HPCAL4: variants seen among roughly 807,000 people sequenced by gnomAD.
The protein encoded by HPCAL4 is hippocalcin like 4.
HPCAL4 carries 16 observed loss-of-function variants against 18.2 expected under a neutral mutation model. That is an observed-to-expected ratio of 0.88 (90% confidence interval 0.59 to 1.33). The LOEUF is 1.33. HPCAL4 is among the 40% of genes most tolerant of loss of function. The probability of loss-of-function intolerance (pLI) is 0.00; values close to 1 mark genes in which losing one functional copy is unlikely to be tolerated. For synonymous variants in HPCAL4, 80 were observed against 97.5 expected (o/e 0.82, Z 1.06); for missense variants, 214 against 256.6 (o/e 0.83, Z 1.14).
At chr1:39,689,596 T>C (rs1215732837) in intron 1 of HPCAL4, among the ~76,000 whole-genome samples, 1 of 152,164 alleles carries the variant, frequency 6.6e-6, no homozygotes, top group Non-Finnish European at 1.5e-5. Context: ...CTGCTGAACA[T>C]GGGCAGGCTC....
rs148390813 is a variant in HPCAL4, at chr1:39,682,663, C to T, written c.449G>A (p.Arg150His). The change falls in exon 4 of 4, where the codon CGT becomes CAT. Residue 150 changes from arginine to histidine, a missense_variant. Transcript: ENST00000372844. ...CATCTTCTTGAAGATCTTGTCCACACGCTGCTGGGGCGTGAGCCCGTCCTG... is the reference window on the plus strand; with the variant it reads ...CATCTTCTTGAAGATCTTGTCCACATGCTGCTGGGGCGTGAGCCCGTCCTG... ...MNQDGLTPQQ[R>H]VDKIFKKMDQ... is the part of the protein sequence containing the mutation. The T allele has an allele frequency of 2.6e-4, 418 of 1,614,122 alleles. 1 individual carries two copies. The highest frequency in any genetic ancestry group is 3.3e-4 in the Non-Finnish European group (391 of 1,180,056).
At chr1:39,683,514 C>T (rs1345340037) in intron 3 of HPCAL4, among the ~76,000 whole-genome samples, 1 of 152,242 alleles carries the variant, frequency 6.6e-6, no homozygotes, top group East Asian at 1.9e-4. Flanking sequence ...CTGCACTTTG[C>T]TTAGTGTATC....
Position 39,682,217 on chromosome 1 carries a change from T to C in HPCAL4, c.*319A>G, listed in dbSNP as rs1394476335. Reference sequence around the variant, plus strand: ...ATAATCCCAGGATCAAGAGAATTCCTAACCAGAACCCCAGGCCCCCAACTC... The same window carrying C: ...ATAATCCCAGGATCAAGAGAATTCCCAACCAGAACCCCAGGCCCCCAACTC... On this transcript the variant is annotated 3_prime_UTR_variant, in exon 4 of 4. Coordinates refer to ENST00000372844, the MANE Select transcript of HPCAL4 (RefSeq NM_016257.4). 2.9e-6 allele frequency: 1 copy of C among 348,236 alleles called. No homozygotes were observed. The highest frequency in any genetic ancestry group is 5.4e-6 in the Non-Finnish European group (1 of 183,832). The allele number at this position is 348,236 out of a possible 1,614,324, so 21.6% of individuals were successfully genotyped here.
chr1:39,680,722 C>T lies in HPCAL4; in HGVS notation c.*1814G>A, dbSNP rs1390328409. 6.6e-6 allele frequency: 1 copy of T among 152,148 alleles called. No individual in the cohort carries two copies. Among genetic ancestry groups the T allele is most frequent in the Non-Finnish European group, 1.5e-5 (1 of 68,024 alleles). The allele number at this position is 152,148 out of a possible 1,614,324, so 9.4% of individuals were successfully genotyped here. A position where few individuals can be genotyped will look rare whatever the true frequency, so the allele number is the denominator to read the frequency against. On this transcript the variant is annotated 3_prime_UTR_variant, in exon 4 of 4. Transcript: ENST00000372844. Reference sequence around the variant, plus strand: ...CAAAAGGATAGCAACCCAGTGGTTGCAAACCAGTGGTTGCTATCCCCAGCA... The same window carrying T: ...CAAAAGGATAGCAACCCAGTGGTTGTAAACCAGTGGTTGCTATCCCCAGCA...
intron 1 of HPCAL4, among the ~76,000 whole-genome samples, chr1:39,687,029 CT>C (rs1646681037): frequency 6.6e-6 from 1 of 152,222 alleles, no homozygotes; most frequent in Non-Finnish European, 1.5e-5. Flanking sequence ...TGGTCCATTC[CT>C]TCCCACTCCC....
At chr1:39,687,416 C>T (rs1377766480) in intron 1 of HPCAL4, among the ~76,000 whole-genome samples, 1 of 152,178 alleles carries the variant, frequency 6.6e-6, no homozygotes, top group African/African-American at 2.4e-5. Flanking sequence ...AGCTGTCTTC[C>T]GTAGGATGTG....
intron 1 of HPCAL4, among the ~76,000 whole-genome samples, chr1:39,689,461 A>G (rs1646701539): frequency 1.3e-5 from 2 of 151,902 alleles, no homozygotes; most frequent in South Asian, 2.1e-4. Flanking sequence ...TATCACACCC[A>G]CTTCAGAGAC....
chr1:39,688,053 G>T (rs1358187084), intron 1 of HPCAL4, among the ~76,000 whole-genome samples: 3 of 152,222 alleles, frequency 2.0e-5, no homozygotes, highest in Non-Finnish European at 4.4e-5. Context: ...GGAGGGCCCA[G>T]ATGAGCACTC....
Position 39,683,988 on chromosome 1 carries a change from G to A in HPCAL4, c.327C>T (p.Asp109=). 2.5e-6 allele frequency: 4 copies of A among 1,613,980 alleles called. No individual in the cohort carries two copies. Among genetic ancestry groups the A allele is most frequent in the Non-Finnish European group, 3.4e-6 (4 of 1,179,904 alleles). ...GCGTGATGCGCCCGTCGCCGTCCAG[G>A]TCGTACATCTCAAAGGCCCAGTTGA... ...QKLNWAFEMY[D]LDGDGRITRL... Residue 109 remains aspartate (D), a synonymous_variant, in exon 3 of 4, where the codon GAC becomes GAT. Coordinates refer to ENST00000372844, the MANE Select transcript of HPCAL4 (RefSeq NM_016257.4).
Position 39,684,120 on chromosome 1 carries a change from C to A in HPCAL4, c.195G>T (p.Ala65=). 1 of 1,613,246 alleles carries A rather than the reference C, an allele frequency of 6.2e-7. No individual in the cohort carries two copies. The highest frequency in any genetic ancestry group is 1.7e-5 in the Admixed American group (1 of 59,948). Residue 65 remains alanine, a synonymous_variant, in exon 3 of 4, where the codon GCG becomes GCT. Transcript: ENST00000372844. ...FFPYGDASKF[A]QHAFRTFDKN... is the part of the protein sequence containing the mutation. ...TGTCGAAGGTGCGGAAAGCGTGCTG[C>A]GCGAACTTGGAGGCGTCGCCGTAGG...
In HPCAL4 at chr1:39,682,441, G is replaced by C; in HGVS notation, c.*95C>G. 8.5e-7 allele frequency: 1 copy of C among 1,170,030 alleles called. No homozygotes were observed. Among genetic ancestry groups the C allele is most frequent in the Non-Finnish European group, 1.3e-6 (1 of 799,932 alleles). 72.5% of individuals were successfully genotyped at this position (1,170,030 alleles called of 1,614,324 possible). A position where few individuals can be genotyped will look rare whatever the true frequency, so the allele number is the denominator to read the frequency against. On this transcript the variant is annotated 3_prime_UTR_variant, in exon 4 of 4. Transcript: ENST00000372844. The stretch of plus-strand genomic sequence containing the variant: ...CTGGGTGGGCCAGAGAGGGGGGCTG[G>C]AGTGTCCCTCCTCCTGGGAGGCCAG...
intron 3 of HPCAL4, among the ~76,000 whole-genome samples, chr1:39,683,677 A>G (rs1646646283): frequency 2.0e-5 from 3 of 152,242 alleles, no homozygotes; most frequent in Admixed American, 6.5e-5. Context: ...ATCAGCTATG[A>G]GGTCAGACTC....
chr1:39,690,988 T>C (rs898698108), intron 1 of HPCAL4: 21 of 152,124 alleles, frequency 1.4e-4, no homozygotes, highest in African/African-American at 5.1e-4. Flanking sequence ...CACCCCCAGA[T>C]GTGTGTGTGT....
In HPCAL4 at chr1:39,680,870, G is replaced by T. The variant is rs925895924; in HGVS notation, c.*1666C>A. ...GAGAAGCAGGACAGGTGGGCACTCA[G>T]GAGTGAGGAGCATGCTGCATCTCTT... On this transcript the variant is annotated 3_prime_UTR_variant, in exon 4 of 4. Transcript: ENST00000372844. 1 of 152,652 alleles carries T rather than the reference G, an allele frequency of 6.6e-6. No homozygotes were observed. The highest frequency in any genetic ancestry group is 1.5e-5 in the Non-Finnish European group (1 of 68,046). 9.5% of individuals were successfully genotyped at this position (152,652 alleles called of 1,614,324 possible). A position where few individuals can be genotyped will look rare whatever the true frequency, so the allele number is the denominator to read the frequency against.
Position 39,684,024 on chromosome 1 carries a change from G to A in HPCAL4, c.291C>T (p.Phe97=). ...CALSVTSRGS[F]EQKLNWAFEM... ...CAAAGGCCCAGTTGAGCTTCTGCTC[G>A]AAGCTGCCGCGGGAGGTGACCGACA... Residue 97 remains phenylalanine (F), a synonymous_variant, in exon 3 of 4, where the codon TTC becomes TTT. Coordinates refer to ENST00000372844, the MANE Select transcript of HPCAL4 (RefSeq NM_016257.4). 3 of 1,614,032 alleles carry A rather than the reference G, an allele frequency of 1.9e-6. No homozygotes were observed. In the South Asian group the frequency reaches 3.3e-5, roughly 18 times the overall value.
rs1015160043 is a variant in HPCAL4 at position 39,679,156 on chromosome 1, T to C, written c.*3380A>G. The C allele has an allele frequency of 5.3e-5, 8 of 151,356 alleles. No individual in the cohort carries two copies. The highest frequency in any genetic ancestry group is 2.7e-4 in the Admixed American group (4 of 15,092). The allele number at this position is 151,356 out of a possible 1,614,324, so 9.4% of individuals were successfully genotyped here. On this transcript the variant is annotated 3_prime_UTR_variant, in exon 4 of 4. Coordinates refer to ENST00000372844, the MANE Select transcript of HPCAL4 (RefSeq NM_016257.4). ...ATTTTTGTGTAAAAAATATTTAGTG[T>C]CAGCTTACTACCCTGCCTGGAGACC... is the stretch of plus-strand genomic sequence containing the variant.
At chr1:39,687,810 G>T (rs1646687797) in intron 1 of HPCAL4, among the ~76,000 whole-genome samples, 1 of 152,114 alleles carries the variant, frequency 6.6e-6, no homozygotes, top group African/African-American at 2.4e-5. Context: ...AGCTGAGGTG[G>T]GAGGATCACT....
At chr1:39,683,874 A>C (rs1426848503) in intron 3 of HPCAL4, 63 bp downstream of exon 3, 1 of 1,448,714 alleles carries the variant, frequency 6.9e-7, no homozygotes, top group Non-Finnish European at 9.6e-7. Flanking sequence ...AGCAGCGCGG[A>C]GGCAGGGGCG....
At chr1:39,683,879 G>C (rs11206617) in intron 3 of HPCAL4, 58 bp downstream of exon 3, 535,305 of 1,493,686 alleles carry the variant, frequency 0.36, 100,108 homozygotes, top group African/African-American at 0.4. Context: ...CGCGGAGGCA[G>C]GGGCGGGGAT....
Sources: gnomAD v4.1 joint callset for allele counts (sites outside exome capture counted in the v4.1 genomes callset) on GRCh38, gnomAD v4.1.1 for gene constraint, MANE v1.5 for transcripts, NCBI Gene and HGNC (gene_info 2026-07-23, HGNC 2026-07-21) for gene names.